Variants in BCAS1 observed in about 807,000 individuals in gnomAD.
BCAS1 encodes the protein breast carcinoma-amplified sequence 1.
BCAS1 carries 46 observed loss-of-function variants against 65.4 expected under a neutral mutation model. The observed-to-expected ratio is 0.70, with a 90% CI of 0.55 to 0.90. The LOEUF (loss-of-function observed/expected upper bound fraction) is 0.90. BCAS1 is among the 40% of genes least tolerant of loss of function. The pLI, the probability that BCAS1 is intolerant of heterozygous loss-of-function variation, is 0.00. For synonymous variants in BCAS1, 298 were observed against 293.5 expected (o/e 1.02, Z -0.16); for missense variants, 793 against 771.2 (o/e 1.03, Z -0.33).
At chr20:54,020,219 T>C (rs1217031408) in intron 4 of BCAS1, among the ~76,000 whole-genome samples, 2 of 152,180 alleles carry the variant, frequency 1.3e-5, no homozygotes, top group African/African-American at 4.8e-5. Flanking sequence ...ACTTTACCTC[T>C]CCGTGACTTA....
chr20:53,947,808 G>C (rs948760010), intron 12 of BCAS1, among the ~76,000 whole-genome samples: 1 of 152,156 alleles, frequency 6.6e-6, no homozygotes, highest in Admixed American at 6.5e-5. Context: ...TGGCACAGCG[G>C]TGCCCGACTC....
In BCAS1 at chr20:53,968,954, T is replaced by C. The variant is rs142990859; in HGVS notation, c.1318-1881A>G. On this transcript the variant is annotated intron_variant, in intron 9 of 12. Transcript: ENST00000688948. ...CCATATCAGAGACTGAGAATGGCAA[T>C]AGAGCATGGACATGGATTTCCACAT... 5.3e-5 allele frequency among the ~76,000 whole-genome samples: 8 copies of C among 152,322 alleles called. No homozygotes were observed. The East Asian group carries it at 1.3e-3, about 26-fold the overall frequency.
At chr20:54,067,692 T>A (rs919092970) in intron 1 of BCAS1, among the ~76,000 whole-genome samples, 9 of 152,194 alleles carry the variant, frequency 5.9e-5, no homozygotes, top group African/African-American at 1.9e-4. Flanking sequence ...CCAAACCCCA[T>A]GCAAGCTGGC....
chr20:54,031,134 G>A (rs1372553359), intron 3 of BCAS1, among the ~76,000 whole-genome samples: 1 of 151,488 alleles, frequency 6.6e-6, no homozygotes, highest in Non-Finnish European at 1.5e-5. Flanking sequence ...CTTACCCACT[G>A]GCTGGAAAGC....
chr20:54,060,871 G>A (rs1316294422), intron 1 of BCAS1, among the ~76,000 whole-genome samples: 1 of 152,126 alleles, frequency 6.6e-6, no homozygotes, highest in African/African-American at 2.4e-5. Flanking sequence ...TGCATTTACT[G>A]GGAGCTTAAT....
At chr20:54,028,095 A>G (rs933977899) in intron 4 of BCAS1, among the ~76,000 whole-genome samples, 4 of 152,332 alleles carry the variant, frequency 2.6e-5, no homozygotes, top group African/African-American at 9.6e-5. Flanking sequence ...TCGTAAACGC[A>G]ACCTGTCTAC....
intron 8 of BCAS1, among the ~76,000 whole-genome samples, chr20:53,981,710 T>G (rs913263888): frequency 6.6e-6 from 1 of 152,076 alleles, no homozygotes; most frequent in Non-Finnish European, 1.5e-5. Flanking sequence ...GGCTTCAGAG[T>G]GCACATTATT....
intron 7 of BCAS1, among the ~76,000 whole-genome samples, chr20:53,988,053 G>A (rs2090659931): frequency 6.6e-6 from 1 of 152,154 alleles, no homozygotes; most frequent in African/African-American, 2.4e-5. Context: ...AAGGGCTCTG[G>A]TTGCTTTAAG....
intron 12 of BCAS1, among the ~76,000 whole-genome samples, chr20:53,945,514 T>C (rs1228787686): frequency 1.3e-5 from 2 of 152,174 alleles, no homozygotes; most frequent in East Asian, 1.9e-4. Context: ...TAACTCGTCA[T>C]GTAACATTAG....
intron 4 of BCAS1, among the ~76,000 whole-genome samples, chr20:54,013,511 T>C (rs530607537): frequency 1.3e-5 from 2 of 152,346 alleles, no homozygotes; most frequent in South Asian, 2.1e-4. Flanking sequence ...TCAATCCTGA[T>C]GGAGGGCAGA....
intron 4 of BCAS1, among the ~76,000 whole-genome samples, chr20:54,025,335 GA>G (rs1471406986): frequency 2.0e-5 from 3 of 151,912 alleles, no homozygotes; most frequent in Non-Finnish European, 2.9e-5. Flanking sequence ...GTGGGGAGAG[GA>G]AAAAAACCTC....
chr20:53,959,399 G>A (rs1032540128), intron 10 of BCAS1, among the ~76,000 whole-genome samples: 9 of 152,110 alleles, frequency 5.9e-5, no homozygotes, highest in African/African-American at 1.4e-4. Context: ...GACTACAGGC[G>A]CCTGCCAACA....
intron 7 of BCAS1, among the ~76,000 whole-genome samples, chr20:53,988,100 CT>C (rs2090661168): frequency 6.6e-6 from 1 of 152,196 alleles, no homozygotes; most frequent in African/African-American, 2.4e-5. Context: ...AGAAGGGCGG[CT>C]CCATGGCCCC....
intron 4 of BCAS1, among the ~76,000 whole-genome samples, chr20:54,013,606 C>T (rs6064034): frequency 1.3e-5 from 2 of 152,162 alleles, no homozygotes; most frequent in South Asian, 4.1e-4. Flanking sequence ...GAGGATAAAC[C>T]TAAACTCACA....
At chr20:54,004,232 T>A (rs1184491684) in intron 4 of BCAS1, among the ~76,000 whole-genome samples, 1 of 152,236 alleles carries the variant, frequency 6.6e-6, no homozygotes, top group African/African-American at 2.4e-5. Context: ...CTTTCCATCA[T>A]TCCAGGGTGC....
Position 54,058,114 on chromosome 20 carries a change from G to A in BCAS1, c.113C>T (p.Ser38Leu), listed in dbSNP as rs1006439038. 1 of 1,613,652 alleles carries A rather than the reference G, an allele frequency of 6.2e-7. No individual in the cohort carries two copies. Among genetic ancestry groups the A allele is most frequent in the Non-Finnish European group, 8.5e-7 (1 of 1,179,916 alleles). Residue 38 changes from serine to leucine, a missense_variant, in exon 3 of 13, where the codon TCG becomes TTG. By Grantham distance (145) the Ser-to-Leu change is moderately radical. Transcript: ENST00000688948. ...SALNGVPVVV[S>L]THTVQHLEEV... ...CTCTAAGTGCTGAACTGTGTGGGTC[G>A]ACACCACCACTGGAACCCCGTTCAG...
intron 9 of BCAS1, 82 bp from the exon 10 acceptor site, chr20:53,967,155 G>T (rs1264743716): frequency 4.1e-6 from 6 of 1,451,474 alleles, no homozygotes; most frequent in Non-Finnish European, 5.7e-6. Context: ...GGTCCTTGTT[G>T]CCCCCCTGTC....
chr20:54,029,709 T>G (rs372183098), intron 3 of BCAS1, among the ~76,000 whole-genome samples: 1 of 152,316 alleles, frequency 6.6e-6, no homozygotes, highest in African/African-American at 2.4e-5. Context: ...TGGAATATAT[T>G]AAGTGCTTAA....
intron 4 of BCAS1, among the ~76,000 whole-genome samples, chr20:54,009,067 C>T (rs150139163): frequency 0.039 from 5,881 of 152,308 alleles, 142 homozygotes; most frequent in Middle Eastern, 0.099. Flanking sequence ...CCCGCCTTGG[C>T]CTCCCAAAGT....
Sources: allele counts gnomAD v4.1 joint callset (sites outside exome capture counted in the v4.1 genomes callset), GRCh38; gene constraint gnomAD v4.1.1; transcripts MANE v1.5; gene names NCBI Gene and HGNC (gene_info 2026-07-23, HGNC 2026-07-21).